The following SVOP variants were observed in gnomAD, a reference collection of about 807,000 sequenced individuals.
SVOP encodes SV2 related protein, also known as synaptic vesicle 2-related protein.
A neutral mutation model predicts 69.1 loss-of-function variants in SVOP; 17 were observed. That is an observed-to-expected ratio of 0.25 (90% confidence interval 0.17 to 0.37). The LOEUF is 0.37. Ranked by LOEUF, SVOP falls within the 10% of genes least tolerant of loss-of-function variation. SVOP has a pLI of 1.00. For missense variants in SVOP, 435 were observed against 597.5 expected, an observed-to-expected ratio of 0.73 and a Z score of 2.84; for synonymous variants, 238 against 238.6, an observed-to-expected ratio of 1.00 and a Z score of 0.02.
chr12:108,918,898 C>T (rs1009497109), intron 13 of SVOP, among the ~76,000 whole-genome samples: 1 of 152,118 alleles, frequency 6.6e-6, no homozygotes, highest in African/African-American at 2.4e-5. Flanking sequence ...CATCAGAGAC[C>T]CTGATCTTTT....
At chr12:108,956,219 G>C (rs1198006162) in intron 6 of SVOP, among the ~76,000 whole-genome samples, 1 of 151,426 alleles carries the variant, frequency 6.6e-6, no homozygotes, top group East Asian at 1.9e-4. Flanking sequence ...GGAGAATGGT[G>C]TGAACCCTGG....
In SVOP at chr12:108,980,797, T is replaced by C. The variant is rs1194924636; in HGVS notation, c.197-2134A>G. Among the ~76,000 whole-genome samples the C allele has an allele frequency of 5.4e-5, 8 of 148,900 alleles. No individual in the cohort carries two copies. The East Asian group carries it at 1.6e-3, about 29-fold the overall frequency. ...AAAATTAGCCAGGTGTGGTGGCGCA[T>C]GCCTGTAGTCCCAGCTACTCAGGAG... On this transcript the variant is annotated intron_variant, in intron 2 of 15. Transcript: ENST00000610966.
chr12:109,015,327 A>T (rs1017792072), intron 1 of SVOP, among the ~76,000 whole-genome samples: 2 of 152,192 alleles, frequency 1.3e-5, no homozygotes, highest in Non-Finnish European at 1.5e-5. Flanking sequence ...ACTTTTAAAG[A>T]ATCCCTCTGG....
chr12:109,013,446 A>G (rs1272148211), intron 1 of SVOP, among the ~76,000 whole-genome samples: 1 of 150,202 alleles, frequency 6.7e-6, no homozygotes, highest in Admixed American at 6.6e-5. Flanking sequence ...GCTGGAGTGC[A>G]GTAGCACGAT....
In SVOP at chr12:108,987,423, T is replaced by C. The variant is rs1193526461; in HGVS notation, c.36-3662A>G. On this transcript the variant is annotated intron_variant, in intron 1 of 15. Coordinates refer to ENST00000610966, the MANE Select transcript of SVOP (RefSeq NM_018711.5). ...TGAACATGAGTGTACAAATATCTAT[T>C]TGAGTTCCTGCTTTCACTTATTTTA... Among the ~76,000 whole-genome samples the C allele has an allele frequency of 2.6e-5, 4 of 152,342 alleles. No individual in the cohort carries two copies. In the South Asian group the frequency reaches 8.3e-4, roughly 32 times the overall value.
At chr12:108,925,394 TG>T (rs1463494829) in intron 11 of SVOP, among the ~76,000 whole-genome samples, 1 of 152,198 alleles carries the variant, frequency 6.6e-6, no homozygotes, top group African/African-American at 2.4e-5. Context: ...CTCTCTCATC[TG>T]GATTACCAAA....
intron 6 of SVOP, among the ~76,000 whole-genome samples, chr12:108,946,998 G>A (rs1295744321): frequency 6.6e-6 from 1 of 152,014 alleles, no homozygotes; most frequent in African/African-American, 2.4e-5. Flanking sequence ...GGAATTACAG[G>A]TGTGAGCCAC....
intron 11 of SVOP, among the ~76,000 whole-genome samples, chr12:108,927,152 G>C (rs922481514): frequency 1.3e-5 from 2 of 152,090 alleles, no homozygotes; most frequent in East Asian, 1.9e-4. Flanking sequence ...CTGGGGGATT[G>C]GGGGCTTGAG....
intron 7 of SVOP, among the ~76,000 whole-genome samples, chr12:108,943,077 C>T (rs1369521881): frequency 1.3e-5 from 2 of 151,720 alleles, no homozygotes. Flanking sequence ...CTTTATTAAA[C>T]CATCTGCAGT....
In SVOP at chr12:108,910,643, G is replaced by A. The variant is rs967709364; in HGVS notation, c.*1892C>T. 2 of 152,222 alleles carry A rather than the reference G, an allele frequency of 1.3e-5. No homozygotes were observed. Among genetic ancestry groups the A allele is most frequent in the African/African-American group, 4.8e-5 (2 of 41,452 alleles). The allele number at this position is 152,222 out of a possible 1,614,324, so 9.4% of individuals were successfully genotyped here. On this transcript the variant is annotated 3_prime_UTR_variant, in exon 16 of 16. Transcript: ENST00000610966. ...TAGAGACACAGTATTGTTTGCAGTT[G>A]ATTTAGAACTTGAGCTGGAAGAAGT...
chr12:109,009,859 C>CA (rs1436653706), intron 1 of SVOP, among the ~76,000 whole-genome samples: 1 of 152,152 alleles, frequency 6.6e-6, no homozygotes, highest in Non-Finnish European at 1.5e-5. Flanking sequence ...AAACATCCTA[C>CA]AATGCATAGG....
intron 11 of SVOP, among the ~76,000 whole-genome samples, chr12:108,929,257 CT>C (rs1298654555): frequency 2.6e-5 from 4 of 152,228 alleles, no homozygotes; most frequent in Admixed American, 6.5e-5. Flanking sequence ...GCTTCCTCCC[CT>C]ATACTTGCCT....
chr12:108,987,406 A>C (rs1200020879), intron 1 of SVOP, among the ~76,000 whole-genome samples: 7 of 152,204 alleles, frequency 4.6e-5, no homozygotes, highest in Non-Finnish European at 1.0e-4. Context: ...AATGAACATG[A>C]GTGTACAAAT....
chr12:108,990,169 T>C (rs190851854), intron 1 of SVOP, among the ~76,000 whole-genome samples: 2 of 152,220 alleles, frequency 1.3e-5, no homozygotes, highest in Admixed American at 1.3e-4. Context: ...AGGTCTAAAC[T>C]GAGCTGGCTT....
intron 1 of SVOP, among the ~76,000 whole-genome samples, chr12:108,989,336 A>C (rs2040185477): frequency 6.6e-6 from 1 of 152,128 alleles, no homozygotes; most frequent in Non-Finnish European, 1.5e-5. Flanking sequence ...TGGCCTCCCG[A>C]AGTGCTGGGA....
chr12:108,939,129 C>A (rs1055715666), intron 8 of SVOP, among the ~76,000 whole-genome samples, 174 bp from the exon 9 acceptor site: 1 of 152,166 alleles, frequency 6.6e-6, no homozygotes, highest in African/African-American at 2.4e-5. Flanking sequence ...TGACCCTGTA[C>A]AATTACTTGA....
At chr12:108,979,087 G>GTATATATATA (rs1220457889) in intron 2 of SVOP, among the ~76,000 whole-genome samples, 1 of 57,986 alleles carries the variant, frequency 1.7e-5, no homozygotes, top group African/African-American at 5.0e-5. Flanking sequence ...ACGCATGTGG[G>GTATATATATA]TGTACATGTA....
intron 5 of SVOP, among the ~76,000 whole-genome samples, chr12:108,964,831 T>C (rs548487630): frequency 6.6e-6 from 1 of 152,292 alleles, no homozygotes; most frequent in African/African-American, 2.4e-5. Context: ...CTCCCTTCTT[T>C]TTACATTTAT....
intron 15 of SVOP, among the ~76,000 whole-genome samples, chr12:108,913,753 A>G (rs534264250): frequency 5.2e-4 from 79 of 152,122 alleles, no homozygotes; most frequent in Non-Finnish European, 9.3e-4. Flanking sequence ...GGTTCAAGCA[A>G]TTTTTCTGCC....
Sources: gnomAD v4.1 joint callset for allele counts (sites outside exome capture counted in the v4.1 genomes callset) on GRCh38, gnomAD v4.1.1 for gene constraint, MANE v1.5 for transcripts, NCBI Gene and HGNC (gene_info 2026-07-23, HGNC 2026-07-21) for gene names.